The following PRIM2 variants were observed in gnomAD, a reference collection of about 807,000 sequenced individuals.
PRIM2 encodes DNA primase subunit 2.
PRIM2 carries 39 observed loss-of-function variants against 67.3 expected under a neutral mutation model. That is an observed-to-expected ratio of 0.58 (90% CI 0.45 to 0.76). The LOEUF (loss-of-function observed/expected upper bound fraction) is 0.76. Among genes scored for constraint, PRIM2 ranks in the 30% least tolerant of loss-of-function variants. PRIM2 has a pLI of 0.00. For synonymous variants in PRIM2, 143 were observed against 198.7 expected, an observed-to-expected ratio of 0.72 and a Z score of 2.36; for missense variants, 398 against 598.7, an observed-to-expected ratio of 0.66 and a Z score of 3.50.
chr6:57,597,906 GTTTTAT>G (rs1282616069), intron 10 of PRIM2, among the ~76,000 whole-genome samples: 2 of 152,058 alleles, frequency 1.3e-5, no homozygotes, highest in African/African-American at 4.8e-5. Flanking sequence ...AAAATAATCT[GTTTTAT>G]TTTTATTTCT....
At chr6:57,246,666 A>G in the PRIM2 span, among the ~76,000 whole-genome samples, 1 of 152,148 alleles carries the variant, frequency 6.6e-6, no homozygotes, top group Non-Finnish European at 1.5e-5. Context: ...AGAAGAGAGA[A>G]CACTGTGATA....
intron 5 of PRIM2, among the ~76,000 whole-genome samples, chr6:57,345,474 A>ATATATGTGTG (rs1554327210): frequency 1.0e-4 from 13 of 124,632 alleles, no homozygotes; most frequent in Admixed American, 3.4e-4. Context: ...ATATATATAT[A>ATATATGTGTG]TGTGTGTGTG....
chr6:57,559,816 C>T (rs1775593328), intron 10 of PRIM2, among the ~76,000 whole-genome samples: 1 of 152,134 alleles, frequency 6.6e-6, no homozygotes, highest in Non-Finnish European at 1.5e-5. Context: ...AATGTAGACA[C>T]CTTTATTTAA....
rs1209628805 is a variant in PRIM2, at chr6:57,545,302, T to TGGC, written c.1020+7677_1020+7678insGGC. Among the ~76,000 whole-genome samples the TGGC allele has an allele frequency of 3.3e-5, 5 of 152,078 alleles. No homozygotes were observed. The East Asian group carries it at 9.6e-4, about 29-fold the overall frequency. On this transcript the variant is annotated intron_variant, in intron 10 of 13. Coordinates refer to ENST00000615550, the MANE Select transcript of PRIM2 (RefSeq NM_000947.5). ...ATACATAGATACATACATATGTACA[T>TGGC]ATTCCATCTACTTGGCATAGTTCAG...
chr6:57,343,103 G>A (rs577614762), intron 5 of PRIM2, among the ~76,000 whole-genome samples: 113 of 152,248 alleles, frequency 7.4e-4, no homozygotes, highest in African/African-American at 2.5e-3. Flanking sequence ...TTGAGTTTAC[G>A]TTGATTTAAT....
At chr6:57,561,334 C>T (rs1226673452) in intron 10 of PRIM2, among the ~76,000 whole-genome samples, 3 of 152,100 alleles carry the variant, frequency 2.0e-5, no homozygotes, top group Admixed American at 6.5e-5. Flanking sequence ...TGGGTGCAAA[C>T]GATTCTCCTG....
the PRIM2 span, among the ~76,000 whole-genome samples, chr6:57,289,115 T>C: frequency 1.3e-5 from 2 of 152,142 alleles, no homozygotes; most frequent in Admixed American, 6.5e-5. Flanking sequence ...CTTAAATGAC[T>C]TGATGGAGCT....
At chr6:57,500,150 C>A (rs1185458448) in intron 7 of PRIM2, among the ~76,000 whole-genome samples, 2 of 152,136 alleles carry the variant, frequency 1.3e-5, no homozygotes, top group Non-Finnish European at 2.9e-5. Flanking sequence ...CATACCTTTA[C>A]ATATTTCTTA....
chr6:57,320,111 G>C (rs1767601776), intron 2 of PRIM2, among the ~76,000 whole-genome samples: 1 of 152,130 alleles, frequency 6.6e-6, no homozygotes, highest in African/African-American at 2.4e-5. Flanking sequence ...CTGCCTAACA[G>C]GCAGCTCCCA....
chr6:57,562,721 A>G (rs1289145297), intron 10 of PRIM2, among the ~76,000 whole-genome samples: 1 of 152,222 alleles, frequency 6.6e-6, no homozygotes, highest in Non-Finnish European at 1.5e-5. Flanking sequence ...CCAATCTCAG[A>G]TAATGGCAAT....
intron 12 of PRIM2, among the ~76,000 whole-genome samples, chr6:57,613,589 AC>A (rs1776702594): frequency 6.6e-6 from 1 of 152,124 alleles, no homozygotes; most frequent in Non-Finnish European, 1.5e-5. Flanking sequence ...CTGAGATTTT[AC>A]CCTACTTGCA....
At chr6:57,501,125 A>G (rs1554346812) in intron 7 of PRIM2, among the ~76,000 whole-genome samples, 1 of 152,180 alleles carries the variant, frequency 6.6e-6, no homozygotes, top group Non-Finnish European at 1.5e-5. Context: ...AATTCTAACA[A>G]TTACCTTTTC....
intron 11 of PRIM2, among the ~76,000 whole-genome samples, chr6:57,603,957 GA>G (rs1303957242): frequency 6.6e-6 from 1 of 152,092 alleles, no homozygotes; most frequent in African/African-American, 2.4e-5. Flanking sequence ...ACTGTAAACA[GA>G]ATTGTGTTTT....
At chr6:57,519,308 A>G (rs1554348626) in intron 8 of PRIM2, among the ~76,000 whole-genome samples, 7 of 152,224 alleles carry the variant, frequency 4.6e-5, no homozygotes, top group African/African-American at 1.7e-4. Context: ...TTTATTAGGC[A>G]GGAATTTCCT....
intron 9 of PRIM2, among the ~76,000 whole-genome samples, chr6:57,532,866 C>T (rs1424913519): frequency 1.3e-5 from 2 of 152,100 alleles, no homozygotes; most frequent in Admixed American, 6.6e-5. Flanking sequence ...TCTAGAGGCT[C>T]GAAATCCAAG....
At chr6:57,617,956 G>A (rs1168632059) in intron 12 of PRIM2, among the ~76,000 whole-genome samples, 91 of 152,276 alleles carry the variant, frequency 6.0e-4, no homozygotes, top group African/African-American at 2.1e-3. Context: ...TCTTTTGCTT[G>A]TGAATATCCA....
chr6:57,334,391 G>A (rs528074247), intron 5 of PRIM2, among the ~76,000 whole-genome samples: 1 of 152,220 alleles, frequency 6.6e-6, no homozygotes, highest in South Asian at 2.1e-4. Flanking sequence ...GATGTCTTCA[G>A]CATACTGATT....
chr6:57,379,287 T>A (rs185888357), intron 5 of PRIM2, among the ~76,000 whole-genome samples: 1 of 130,810 alleles, frequency 7.6e-6, no homozygotes, highest in Admixed American at 8.4e-5. Context: ...CATCAGATGA[T>A]GTAAATATTT....
In PRIM2 at chr6:57,622,402, G is replaced by T. The variant is rs1428629850; in HGVS notation, c.1231-9731G>T. On this transcript the variant is annotated intron_variant, in intron 12 of 13. Transcript: ENST00000615550. ...AGAATGTTGAGTATTCGAGTGATTA[G>T]GTTCTGTTTCTACAGTGTATTTTAA... Among the ~76,000 whole-genome samples, 20 of 152,192 alleles carry T rather than the reference G, an allele frequency of 1.3e-4. 1 individual carries two copies. The highest frequency in any genetic ancestry group is 1.8e-4 in the Non-Finnish European group (12 of 67,986).
Sources: allele counts gnomAD v4.1 joint callset (sites outside exome capture counted in the v4.1 genomes callset), GRCh38; gene constraint gnomAD v4.1.1; transcripts MANE v1.5; gene names NCBI Gene and HGNC (gene_info 2026-07-23, HGNC 2026-07-21).